Variants in SCAI observed in about 807,000 individuals in gnomAD.
SCAI encodes the protein protein SCAI.
SCAI carries 24 observed loss-of-function variants against 92.2 expected under a neutral mutation model. The observed-to-expected ratio is 0.26, with a 90% CI of 0.19 to 0.37. SCAI has a LOEUF of 0.37. Ranked by LOEUF, SCAI falls within the 10% of genes least tolerant of loss-of-function variation. SCAI has a pLI of 1.00. For synonymous variants in SCAI, 261 were observed against 258.6 expected, an observed-to-expected ratio of 1.01 and a Z score of -0.09; for missense variants, 450 against 736.2, an observed-to-expected ratio of 0.61 and a Z score of 4.50.
chr9:125,120,430 C>T (rs986509577), intron 2 of SCAI, among the ~76,000 whole-genome samples: 5 of 152,208 alleles, frequency 3.3e-5, no homozygotes, highest in African/African-American at 7.2e-5. Context: ...CAGTGGCTCA[C>T]GCCTGCAGTC....
Position 125,055,866 on chromosome 9 carries a change from G to A in SCAI, c.230+10C>T. 1 of 1,585,716 alleles carries A rather than the reference G, an allele frequency of 6.3e-7. No homozygotes were observed. Among genetic ancestry groups the A allele is most frequent in the Non-Finnish European group, 8.5e-7 (1 of 1,170,302 alleles). ...TAAAGAAAAGTTCAAAACACCAAGA[G>A]TCCACTCACCTTAACCCATTGAACA... On this transcript the variant is annotated intron_variant, in intron 3 of 17. Coordinates refer to ENST00000336505, the MANE Select transcript of SCAI (RefSeq NM_001144877.3).
chr9:125,046,274 T>C (rs1286139835), intron 3 of SCAI, among the ~76,000 whole-genome samples: 5 of 113,300 alleles, frequency 4.4e-5, no homozygotes, highest in Admixed American at 8.7e-5. Context: ...CACACACACA[T>C]ATATATATTT....
At chr9:125,022,672 C>T (rs1832894269) in intron 6 of SCAI, among the ~76,000 whole-genome samples, 1 of 152,122 alleles carries the variant, frequency 6.6e-6, no homozygotes, top group African/African-American at 2.4e-5. Context: ...CCCATCTTAG[C>T]CACCCAAAGT....
At chr9:125,115,445 C>A (rs1835025294) in intron 2 of SCAI, among the ~76,000 whole-genome samples, 2 of 149,768 alleles carry the variant, frequency 1.3e-5, no homozygotes, top group African/African-American at 4.9e-5. Flanking sequence ...TTTGTAGTTG[C>A]ACTGCTTGTT....
intron 2 of SCAI, among the ~76,000 whole-genome samples, chr9:125,123,515 G>A (rs1053366636): frequency 6.6e-6 from 1 of 152,172 alleles, no homozygotes; most frequent in East Asian, 1.9e-4. Flanking sequence ...GGTGGCTCAC[G>A]CCTGTAATCC....
At chr9:125,054,052 G>A (rs1418984994) in intron 3 of SCAI, among the ~76,000 whole-genome samples, 3 of 152,132 alleles carry the variant, frequency 2.0e-5, no homozygotes. Flanking sequence ...ACAGTTCACT[G>A]AAGCCTCGAT....
At chr9:124,953,113 T>C (rs563958723) in intron 17 of SCAI, among the ~76,000 whole-genome samples, 160 bp from the exon 18 acceptor site, 1 of 152,342 alleles carries the variant, frequency 6.6e-6, no homozygotes, top group East Asian at 1.9e-4. Flanking sequence ...TATTTAACCA[T>C]TTTGACCTCT....
chr9:125,107,743 C>T (rs986328766), intron 2 of SCAI, among the ~76,000 whole-genome samples: 2 of 152,124 alleles, frequency 1.3e-5, no homozygotes, highest in African/African-American at 4.8e-5. Context: ...ACTCCAGCCT[C>T]GGCAACAGAG....
intron 3 of SCAI, among the ~76,000 whole-genome samples, chr9:125,046,196 G>GATATATATATATATATATATGT (rs1833430198): frequency 1.9e-5 from 1 of 51,868 alleles, no homozygotes; most frequent in Non-Finnish European, 3.6e-5. Context: ...GAAATTGTGA[G>GATATATATATATATATATATGT]ATATATATAT....
At chr9:124,955,389 A>G (rs1472300209) in intron 17 of SCAI, among the ~76,000 whole-genome samples, 1 of 151,738 alleles carries the variant, frequency 6.6e-6, no homozygotes, top group Non-Finnish European at 1.5e-5. Context: ...ACATAGCAAG[A>G]CACTGTCTCA....
chr9:125,115,411 A>G (rs1044085642), intron 2 of SCAI, among the ~76,000 whole-genome samples: 2 of 149,268 alleles, frequency 1.3e-5, no homozygotes, highest in African/African-American at 4.9e-5. Context: ...AAGCACATGT[A>G]CACCAGAGTA....
intron 14 of SCAI, among the ~76,000 whole-genome samples, chr9:124,988,237 C>T (rs1480367559): frequency 3.9e-5 from 6 of 152,186 alleles, no homozygotes; most frequent in Non-Finnish European, 7.4e-5. Flanking sequence ...AGGTCCAGCT[C>T]AGTTGGAACC....
intron 9 of SCAI, among the ~76,000 whole-genome samples, chr9:125,011,621 C>T (rs552108547): frequency 1.2e-3 from 180 of 152,282 alleles, no homozygotes; most frequent in African/African-American, 4.1e-3. Flanking sequence ...GGATATTATC[C>T]AGGAGAACTT....
chr9:125,030,047 C>A (rs1833041740), intron 3 of SCAI, among the ~76,000 whole-genome samples: 1 of 152,180 alleles, frequency 6.6e-6, no homozygotes. Flanking sequence ...TATATACTGA[C>A]AACTTCCAAA....
At chr9:125,046,355 A>G (rs7857241) in intron 3 of SCAI, among the ~76,000 whole-genome samples, 916 of 57,582 alleles carry the variant, frequency 0.016, 22 homozygotes, top group African/African-American at 0.047. Flanking sequence ...GTGTGTGTGT[A>G]TATATATATG....
In SCAI at chr9:125,138,754, G is replaced by A. The variant is rs147313908; in HGVS notation, c.98+3879C>T. ...AATAGAAATGGGGTTTCTCCATGTTGGTCAGGCTGGTCTCAAACTCCCGAC... is the reference window on the plus strand; with the variant it reads ...AATAGAAATGGGGTTTCTCCATGTTAGTCAGGCTGGTCTCAAACTCCCGAC... On this transcript the variant is annotated intron_variant, in intron 2 of 17. Transcript: ENST00000336505. Among the ~76,000 whole-genome samples the A allele has an allele frequency of 1.4e-3, 210 of 152,052 alleles. 3 individuals carry two copies. The East Asian group carries it at 0.036, about 26-fold the overall frequency.
At chr9:124,962,252 T>C (rs1831454649) in intron 17 of SCAI, among the ~76,000 whole-genome samples, 1 of 148,142 alleles carries the variant, frequency 6.8e-6, no homozygotes, top group Non-Finnish European at 1.5e-5. Context: ...CTCCACCTTC[T>C]GGGTTCAAGC....
At chr9:125,107,358 G>A (rs1371741920) in intron 2 of SCAI, among the ~76,000 whole-genome samples, 11 of 150,166 alleles carry the variant, frequency 7.3e-5, no homozygotes, top group African/African-American at 2.2e-4. Context: ...GCAGTGAGCC[G>A]AGATCGCCCC....
At chr9:124,963,923 G>A (rs1054698416) in intron 17 of SCAI, among the ~76,000 whole-genome samples, 2 of 151,932 alleles carry the variant, frequency 1.3e-5, no homozygotes, top group South Asian at 4.2e-4. Context: ...GCTGTCTCAG[G>A]GGTGGCAGAG....
Sources: allele counts gnomAD v4.1 joint callset (sites outside exome capture counted in the v4.1 genomes callset), GRCh38; gene constraint gnomAD v4.1.1; transcripts MANE v1.5; gene names NCBI Gene and HGNC (gene_info 2026-07-23, HGNC 2026-07-21).